The following SOBP variants were observed in gnomAD, a reference collection of about 807,000 sequenced individuals.
The protein encoded by SOBP is sine oculis-binding protein homolog.
Under a neutral mutation model 53.6 loss-of-function variants are expected in SOBP, and 4 were observed. That is an observed-to-expected ratio of 0.07 (90% confidence interval 0.04 to 0.17). The LOEUF (loss-of-function observed/expected upper bound fraction) is 0.17, where lower values mean the gene tolerates loss of function less well. Ranked by LOEUF, SOBP falls within the 10% of genes least tolerant of loss-of-function variation. The probability of loss-of-function intolerance (pLI) is 1.00; values close to 1 mark genes in which losing one functional copy is unlikely to be tolerated. For missense variants in SOBP, 1,088 were observed against 1,204.7 expected (o/e 0.90, Z 1.43); for synonymous variants, 584 against 522.6 (o/e 1.12, Z -1.60).
chr6:107,492,249 C>G (rs935142835), intron 1 of SOBP, among the ~76,000 whole-genome samples: 1 of 152,032 alleles, frequency 6.6e-6, no homozygotes, highest in South Asian at 2.1e-4. Context: ...AATAACCATT[C>G]TTCCTCACTT....
At chr6:107,654,951 G>A (rs1277427198) in intron 6 of SOBP, among the ~76,000 whole-genome samples, 2 of 149,818 alleles carry the variant, frequency 1.3e-5, no homozygotes, top group Non-Finnish European at 3.0e-5. Context: ...AAGGCTCTGA[G>A]GGAGGGTGAC....
At chr6:107,547,621 T>C (rs940086060) in intron 4 of SOBP, among the ~76,000 whole-genome samples, 6 of 152,110 alleles carry the variant, frequency 3.9e-5, no homozygotes, top group East Asian at 1.9e-4. Context: ...AACTAAAGAA[T>C]TGGTAAATGT....
At position 107,635,301 on chromosome 6, in the gene SOBP, G is replaced by C. The variant is rs201581201; in HGVS notation, c.2457G>C (p.Arg819=). The C allele has an allele frequency of 6.2e-7, 1 of 1,613,774 alleles. No homozygotes were observed. Among genetic ancestry groups the C allele is most frequent in the Non-Finnish European group, 8.5e-7 (1 of 1,180,014 alleles). ...ACGAGGACCATGCCTATGCTCTGCG[G>C]ATGCTGCCCAAGACCGGCTGCGTGA... The part of the protein sequence containing the change: ...PADEDHAYAL[R]MLPKTGCVIQ... Residue 819 remains arginine, a synonymous_variant, in exon 6 of 7, where the codon CGG becomes CGC. Transcript: ENST00000317357. This position sits in a 1 kb window ranked among gnomAD's most constrained non-coding sequence, Gnocchi z 4.5.
rs893826491 is a variant in SOBP, at chr6:107,529,993, G to A, written c.422-3466G>A. On this transcript the variant is annotated intron_variant, in intron 3 of 6. Coordinates refer to ENST00000317357, the MANE Select transcript of SOBP (RefSeq NM_018013.4). ...ATATGAAAATTATGTTATACAAACCGTTCTCTTTGGGAATGTGATTTAATG... is the reference window on the plus strand; with the variant it reads ...ATATGAAAATTATGTTATACAAACCATTCTCTTTGGGAATGTGATTTAATG... Among the ~76,000 whole-genome samples the A allele has an allele frequency of 4.6e-5, 7 of 152,074 alleles. No homozygotes were observed. The South Asian group carries it at 6.2e-4, about 14-fold the overall frequency.
At chr6:107,607,125 G>A (rs1285534970) in intron 5 of SOBP, among the ~76,000 whole-genome samples, 1 of 152,146 alleles carries the variant, frequency 6.6e-6, no homozygotes, top group Non-Finnish European at 1.5e-5. Context: ...CATTTTCCAG[G>A]ACACCTGGTT....
intron 3 of SOBP, among the ~76,000 whole-genome samples, chr6:107,517,275 T>C (rs1783349325): frequency 6.6e-6 from 1 of 152,220 alleles, no homozygotes; most frequent in Non-Finnish European, 1.5e-5. Flanking sequence ...ACTGGGTAGC[T>C]TAAACAACCA....
intron 6 of SOBP, among the ~76,000 whole-genome samples, chr6:107,638,645 C>T (rs964702648): frequency 6.6e-6 from 1 of 152,152 alleles, no homozygotes; most frequent in Admixed American, 6.6e-5. Flanking sequence ...TGCCCTGATG[C>T]TGAACACTGG....
intron 5 of SOBP, among the ~76,000 whole-genome samples, chr6:107,618,635 G>A (rs886878675): frequency 3.3e-5 from 5 of 152,176 alleles, no homozygotes; most frequent in Admixed American, 1.3e-4. Context: ...AGTCCTTTGT[G>A]TATAAATACA....
chr6:107,624,988 A>G lies in SOBP; in HGVS notation c.670-8526A>G, dbSNP rs537619009. Among the ~76,000 whole-genome samples, 4 of 152,340 alleles carry G rather than the reference A, an allele frequency of 2.6e-5. No individual in the cohort carries two copies. In the South Asian group the frequency reaches 8.3e-4, roughly 32 times the overall value. Reference sequence around the variant, plus strand: ...CAGTATGAGTTTTGAAGCCAGACAGATTTAACTTAGAATCTGGATCTGCCA... The same window carrying G: ...CAGTATGAGTTTTGAAGCCAGACAGGTTTAACTTAGAATCTGGATCTGCCA... On this transcript the variant is annotated intron_variant, in intron 5 of 6. Coordinates refer to ENST00000317357, the MANE Select transcript of SOBP (RefSeq NM_018013.4).
At chr6:107,534,117 A>G (rs1420990108) in intron 4 of SOBP, among the ~76,000 whole-genome samples, 1 of 152,206 alleles carries the variant, frequency 6.6e-6, no homozygotes, top group Non-Finnish European at 1.5e-5. Context: ...GTTAAAGCTG[A>G]TTGATATTGA....
chr6:107,591,074 T>G (rs1468398191), intron 5 of SOBP, among the ~76,000 whole-genome samples: 3 of 152,174 alleles, frequency 2.0e-5, no homozygotes, highest in Non-Finnish European at 4.4e-5. Flanking sequence ...CCAGCTGGAC[T>G]TTATACACTG....
At chr6:107,599,124 A>G (rs59111997) in intron 5 of SOBP, among the ~76,000 whole-genome samples, 4,239 of 152,162 alleles carry the variant, frequency 0.028, 183 homozygotes, top group East Asian at 0.16. Context: ...TAGTGTGTAT[A>G]CCCTGGAAAC....
Position 107,660,556 on chromosome 6 carries a change from C to T in SOBP, c.*2353C>T, listed in dbSNP as rs1015914758. Among the ~76,000 whole-genome samples the T allele has an allele frequency of 2.0e-5, 3 of 152,174 alleles. No homozygotes were observed. Among genetic ancestry groups the T allele is most frequent in the Admixed American group, 6.5e-5 (1 of 15,286 alleles). ...GGAGGCAAACATGCTCCACGGGTTC[C>T]ACTCACATCCACACACCATCTCACC... On this transcript the variant is annotated 3_prime_UTR_variant, in exon 7 of 7. Coordinates refer to ENST00000317357, the MANE Select transcript of SOBP (RefSeq NM_018013.4).
chr6:107,599,641 T>A, intron 5 of SOBP, among the ~76,000 whole-genome samples: 1 of 150,124 alleles, frequency 6.7e-6, no homozygotes, highest in African/African-American at 2.5e-5. Flanking sequence ...AGCTCCCAAA[T>A]TAAATTTCTT....
At chr6:107,600,692 C>T (rs1357593486) in intron 5 of SOBP, among the ~76,000 whole-genome samples, 1 of 152,198 alleles carries the variant, frequency 6.6e-6, no homozygotes, top group Non-Finnish European at 1.5e-5. Flanking sequence ...CTGCCATAAT[C>T]ATCAGCTCTT....
At chr6:107,532,241 T>TCTCACATA (rs373567492) in intron 3 of SOBP, among the ~76,000 whole-genome samples, 3 of 139,648 alleles carry the variant, frequency 2.1e-5, no homozygotes, top group Non-Finnish European at 4.7e-5. Context: ...TCTCTCTCTC[T>TCTCACATA]CACACACACA....
At chr6:107,523,117 C>T (rs1016694285) in intron 3 of SOBP, among the ~76,000 whole-genome samples, 1 of 152,100 alleles carries the variant, frequency 6.6e-6, no homozygotes, top group Admixed American at 6.5e-5. Context: ...ATTTGGGCAT[C>T]GTCGTATTAT....
chr6:107,624,201 T>C (rs895024122), intron 5 of SOBP, among the ~76,000 whole-genome samples: 1 of 152,214 alleles, frequency 6.6e-6, no homozygotes, highest in African/African-American at 2.4e-5. Context: ...AGCAGAGGTA[T>C]AGTGTTTTAC....
chr6:107,584,036 A>G (rs72945635), intron 4 of SOBP, among the ~76,000 whole-genome samples: 71 of 152,150 alleles, frequency 4.7e-4, no homozygotes, highest in Non-Finnish European at 7.8e-4. Context: ...TCATAGCACA[A>G]TGGTTCACTC....
Sources: allele counts gnomAD v4.1 joint callset (sites outside exome capture counted in the v4.1 genomes callset), GRCh38; gene constraint gnomAD v4.1.1; non-coding constraint Gnocchi (gnomAD v3.1); transcripts MANE v1.5; gene names NCBI Gene and HGNC (gene_info 2026-07-23, HGNC 2026-07-21).